The following NT5C1A variants were observed in gnomAD, a reference collection of about 807,000 sequenced individuals.
NT5C1A encodes the protein 5'-nucleotidase, cytosolic IA, also known as cytosolic 5'-nucleotidase 1A.
Under a neutral mutation model 31.0 loss-of-function variants are expected in NT5C1A, and 18 were observed. That is an observed-to-expected ratio of 0.58 (90% CI 0.40 to 0.86). NT5C1A has a LOEUF of 0.86. Ranked by LOEUF, NT5C1A falls within the 40% of genes least tolerant of loss-of-function variation. The pLI is 0.00. For synonymous variants in NT5C1A, 185 were observed against 203.6 expected, an observed-to-expected ratio of 0.91 and a Z score of 0.78; for missense variants, 470 against 505.4, an observed-to-expected ratio of 0.93 and a Z score of 0.67.
rs1271531965 is a variant in NT5C1A, at chr1:39,665,646, A to G, written c.308T>C (p.Leu103Pro). Residue 103 changes from leucine (L) to proline (P), a missense_variant, in exon 3 of 6, where the codon CTG becomes CCG. Leu to Pro is a moderately conservative substitution (Grantham distance 98). Coordinates refer to ENST00000235628, the MANE Select transcript of NT5C1A (RefSeq NM_032526.3). The stretch of plus-strand genomic sequence containing the variant: ...CCGCAGCCGCCTGTTCACGGCCTCC[A>G]GAGCCTGGAAAGGAGAGGGCACCCC... The part of the protein sequence containing the change: ...PGPAFPFVKA[L>P]EAVNRRLREL... 1.9e-6 allele frequency: 3 copies of G among 1,612,956 alleles called. No homozygotes were observed. The highest frequency in any genetic ancestry group is 2.2e-5 in the East Asian group (1 of 44,898).
rs922566775 is a variant in NT5C1A, at chr1:39,665,416, G to T, written c.433+105C>A. 5 of 1,097,760 alleles carry T rather than the reference G, an allele frequency of 4.6e-6. No individual in the cohort carries two copies. In the African/African-American group the frequency reaches 8.2e-5, roughly 18 times the overall value. The allele number at this position is 1,097,760 out of a possible 1,614,324, so 68.0% of individuals were successfully genotyped here. A position where few individuals can be genotyped will look rare whatever the true frequency, so the allele number is the denominator to read the frequency against. ...ATTTACCAGCACACACTGGACTTGG[G>T]GTTCTGGTCAGTACAACTCCATCCT... On this transcript the variant is annotated intron_variant, in intron 3 of 5. Coordinates refer to ENST00000235628, the MANE Select transcript of NT5C1A (RefSeq NM_032526.3).
At position 39,666,226 on chromosome 1, in the gene NT5C1A, T is replaced by G; in HGVS notation, c.146A>C (p.Gln49Pro). The G allele has an allele frequency of 6.2e-7, 1 of 1,613,438 alleles. No homozygotes were observed. The highest frequency in any genetic ancestry group is 8.5e-7 in the Non-Finnish European group (1 of 1,179,904). The part of the protein sequence containing the change: ...PKKKPKSPKP[Q>P]NAVTIAVSSR... ...GGACACAGCGATGGTGACTGCATTC[T>G]GAGGCTTGGGCTGCAGAGGTATGGG... is the stretch of plus-strand genomic sequence containing the variant. The change falls in exon 2 of 6, where the codon CAG (glutamine) becomes CCG (proline). Residue 49 changes from glutamine to proline, a missense_variant. Gln to Pro is a moderately conservative substitution (Grantham distance 76). Transcript: ENST00000235628.
intron 4 of NT5C1A, 89 bp downstream of exon 4, chr1:39,663,223 G>A: frequency 6.7e-7 from 1 of 1,494,026 alleles, no homozygotes; most frequent in South Asian, 1.2e-5. Flanking sequence ...GCAACTCCCA[G>A]CACCTGCTCG....
intron 4 of NT5C1A, 78 bp downstream of exon 4, chr1:39,663,234 G>A (rs1320867188): frequency 6.4e-7 from 1 of 1,565,870 alleles, no homozygotes; most frequent in Non-Finnish European, 8.8e-7. Flanking sequence ...CACCTGCTCG[G>A]AACTTCAGGA....
chr1:39,666,276 TG>T, intron 1 of NT5C1A, 40 bp from the exon 2 acceptor site: 1 of 1,597,134 alleles, frequency 6.3e-7, no homozygotes, highest in South Asian at 1.1e-5. Context: ...CTCAGATGAC[TG>T]CCCCTGAGGC....
chr1:39,662,819 C>T (rs1369914578), intron 4 of NT5C1A, among the ~76,000 whole-genome samples: 2 of 152,214 alleles, frequency 1.3e-5, no homozygotes, highest in East Asian at 3.9e-4. Context: ...TCAGTACTTG[C>T]ATCTGGGTCT....
chr1:39,659,456 C>G lies in NT5C1A; in HGVS notation c.772G>C (p.Gly258Arg). The G allele has an allele frequency of 1.3e-6, 2 of 1,592,014 alleles. No homozygotes were observed. Among genetic ancestry groups the G allele is most frequent in the Non-Finnish European group, 1.7e-6 (2 of 1,166,806 alleles). The change falls in exon 6 of 6, where the codon GGT becomes CGT. Residue 258 changes from glycine (G) to arginine (R), a missense_variant. By Grantham distance (125) the Gly-to-Arg change is moderately radical. Coordinates refer to ENST00000235628, the MANE Select transcript of NT5C1A (RefSeq NM_032526.3). ...GAGTAGAACTTCTTCTGCAACCTAC[C>G]CAGTGCCTCCAGAAAGCCCTTTAAG... ...GPLKGFLEALGRLQKKFYSKG... is the reference protein window; with the variant it reads ...GPLKGFLEALRRLQKKFYSKG...
In NT5C1A at chr1:39,657,440, G is replaced by T. The variant is rs1646469649; in HGVS notation, c.*1681C>A. Among the ~76,000 whole-genome samples the T allele has an allele frequency of 6.6e-6, 1 of 152,112 alleles. No individual in the cohort carries two copies. Among genetic ancestry groups the T allele is most frequent in the African/African-American group, 2.4e-5 (1 of 41,420 alleles). ...CTATTTCCTACCACCACATCTCCAG[G>T]CTTCTGCCCCTCTCATGATACTTTT... On this transcript the variant is annotated 3_prime_UTR_variant, in exon 6 of 6. Coordinates refer to ENST00000235628, the MANE Select transcript of NT5C1A (RefSeq NM_032526.3).
Position 39,659,330 on chromosome 1 carries a change from C to G in NT5C1A, c.898G>C (p.Gly300Arg), listed in dbSNP as rs1178119901. 2 of 1,613,910 alleles carry G rather than the reference C, an allele frequency of 1.2e-6. No homozygotes were observed. Among genetic ancestry groups the G allele is most frequent in the Admixed American group, 3.3e-5 (2 of 60,022 alleles). The change falls in exon 6 of 6, where the codon GGC becomes CGC. Residue 300 changes from glycine to arginine, a missense_variant. Gly to Arg is a moderately radical substitution (Grantham distance 125). Coordinates refer to ENST00000235628, the MANE Select transcript of NT5C1A (RefSeq NM_032526.3). ...AACAAGGCTTCATCTGTCTCCAGGCCCCAGCTGCGCAGGGTCTTGAGAGCC... is the reference window on the plus strand; with the variant it reads ...AACAAGGCTTCATCTGTCTCCAGGCGCCAGCTGCGCAGGGTCTTGAGAGCC... The part of the protein sequence containing the change: ...ARALKTLRSW[G>R]LETDEALFLA...
chr1:39,665,156 G>C (rs1035538975), intron 3 of NT5C1A, among the ~76,000 whole-genome samples: 1 of 152,224 alleles, frequency 6.6e-6, no homozygotes, highest in African/African-American at 2.4e-5. Flanking sequence ...ATCACAGTTA[G>C]AGAAACTGAG....
intron 4 of NT5C1A, among the ~76,000 whole-genome samples, chr1:39,662,794 G>A (rs1381433617): frequency 6.6e-6 from 1 of 152,180 alleles, no homozygotes; most frequent in Admixed American, 6.5e-5. Flanking sequence ...CACACATAGA[G>A]GGACATTCTC....
Position 39,672,089 on chromosome 1 carries a change from A to G in NT5C1A, c.-51T>C. ...AGAGCAGGCGGCGGCGTAGACGCGGAGGTGGCTGGGGCTGGGCTGCAGGAG... is the reference window on the plus strand; with the variant it reads ...AGAGCAGGCGGCGGCGTAGACGCGGGGGTGGCTGGGGCTGGGCTGCAGGAG... On this transcript the variant is annotated 5_prime_UTR_variant, in exon 1 of 6. Coordinates refer to ENST00000235628, the MANE Select transcript of NT5C1A (RefSeq NM_032526.3). 7.2e-7 allele frequency: 1 copy of G among 1,395,144 alleles called. No homozygotes were observed. Among genetic ancestry groups the G allele is most frequent in the Non-Finnish European group, 9.5e-7 (1 of 1,049,854 alleles). 86.4% of individuals were successfully genotyped at this position (1,395,144 alleles called of 1,614,324 possible).
Position 39,671,920 on chromosome 1 carries a change from T to C in NT5C1A, c.119A>G (p.Lys40Arg), listed in dbSNP as rs1220708060. 3.7e-6 allele frequency: 6 copies of C among 1,613,600 alleles called. No homozygotes were observed. In the East Asian group the frequency reaches 6.7e-5, roughly 18 times the overall value. ...AKIFYDNLAPKKKPKSPKPQN... is the reference protein window; with the variant it reads ...AKIFYDNLAPRKKPKSPKPQN... ...TGCTTTTACCGATTTGGGTTTCTTC[T>C]TGGGCGCGAGGTTGTCGTAGAAAAT... The change falls in exon 1 of 6, where the codon AAG (lysine) becomes AGG (arginine). Residue 40 changes from lysine (K) to arginine (R), a missense_variant. Lys to Arg is a conservative substitution (Grantham distance 26, BLOSUM62 2). Coordinates refer to ENST00000235628, the MANE Select transcript of NT5C1A (RefSeq NM_032526.3).
At chr1:39,663,794 C>T (rs139605189) in intron 3 of NT5C1A, among the ~76,000 whole-genome samples, 1 of 152,304 alleles carries the variant, frequency 6.6e-6, no homozygotes, top group African/African-American at 2.4e-5. Flanking sequence ...TCCGCTGGTC[C>T]CCATTACTGC....
intron 1 of NT5C1A, among the ~76,000 whole-genome samples, chr1:39,669,088 C>T (rs1646537404): frequency 6.6e-6 from 1 of 152,108 alleles, no homozygotes; most frequent in Non-Finnish European, 1.5e-5. Context: ...AGAAAGAAGC[C>T]CTGATCTCAG....
chr1:39,664,982 C>G (rs1271919966), intron 3 of NT5C1A, among the ~76,000 whole-genome samples: 1 of 152,172 alleles, frequency 6.6e-6, no homozygotes, highest in Non-Finnish European at 1.5e-5. Flanking sequence ...ATTTCCTGCC[C>G]TCTGAAAGAC....
rs1323970629 is a variant in NT5C1A at position 39,671,993 on chromosome 1, C to T, written c.46G>A (p.Gly16Arg). ...GCCGCAGCGGTCTCCGCTCCTGGCC[C>T]GGGCTCGCGGGGCTCCTGGGGCTCC... ...PREPQEPREP[G>R]PGAETAAAPV... The change falls in exon 1 of 6, where the codon GGG (glycine) becomes AGG (arginine). Residue 16 changes from glycine (G) to arginine (R), a missense_variant. By Grantham distance (125) the Gly-to-Arg change is moderately radical. Transcript: ENST00000235628. 5 of 1,609,190 alleles carry T rather than the reference C, an allele frequency of 3.1e-6. No individual in the cohort carries two copies. Among genetic ancestry groups the T allele is most frequent in the African/African-American group, 2.7e-5 (2 of 74,828 alleles).
In NT5C1A at chr1:39,661,044, G is replaced by C. The variant is rs533856952; in HGVS notation, c.741+35C>G. Reference sequence around the variant, plus strand: ...AAGGGCAGGTCTGGGGAGCTGCCTTGTTCCTCTCAGGGGTTCTGGGTCTAT... The same window carrying C: ...AAGGGCAGGTCTGGGGAGCTGCCTTCTTCCTCTCAGGGGTTCTGGGTCTAT... On this transcript the variant is annotated intron_variant, in intron 5 of 5. Coordinates refer to ENST00000235628, the MANE Select transcript of NT5C1A (RefSeq NM_032526.3). 4 of 1,385,816 alleles carry C rather than the reference G, an allele frequency of 2.9e-6. No homozygotes were observed. In the South Asian group the frequency reaches 3.7e-5, roughly 13 times the overall value. 85.8% of individuals were successfully genotyped at this position (1,385,816 alleles called of 1,614,324 possible).
At chr1:39,667,354 A>C (rs1359204177) in intron 1 of NT5C1A, among the ~76,000 whole-genome samples, 1 of 151,902 alleles carries the variant, frequency 6.6e-6, no homozygotes, top group African/African-American at 2.4e-5. Context: ...GGTACCCGCC[A>C]CCCCAGACAG....
Sources: allele counts gnomAD v4.1 joint callset (sites outside exome capture counted in the v4.1 genomes callset), GRCh38; gene constraint gnomAD v4.1.1; transcripts MANE v1.5; gene names NCBI Gene and HGNC (gene_info 2026-07-23, HGNC 2026-07-21).